Variants in STXBP5L observed in about 807,000 individuals in gnomAD.
STXBP5L encodes syntaxin-binding protein 5-like.
Under a neutral mutation model 144.5 loss-of-function variants are expected in STXBP5L, and 65 were observed. That is an observed-to-expected ratio of 0.45 (90% CI 0.37 to 0.55). The LOEUF (loss-of-function observed/expected upper bound fraction) is 0.55. Among genes scored for constraint, STXBP5L ranks in the 20% least tolerant of loss-of-function variants. The probability of loss-of-function intolerance (pLI) is 0.00; values close to 1 mark genes in which losing one functional copy is unlikely to be tolerated. For synonymous variants in STXBP5L, 505 were observed against 469.6 expected (o/e 1.08, Z -0.97); for missense variants, 1,298 against 1,405.5 (o/e 0.92, Z 1.22).
chr3:121,255,931 C>T (rs2050193464), intron 16 of STXBP5L, among the ~76,000 whole-genome samples: 1 of 152,010 alleles, frequency 6.6e-6, no homozygotes, highest in Non-Finnish European at 1.5e-5. Flanking sequence ...AGTGTTTTTA[C>T]CTCAACAGCT....
At chr3:121,012,941 A>T (rs1255147093) in intron 3 of STXBP5L, among the ~76,000 whole-genome samples, 1 of 151,846 alleles carries the variant, frequency 6.6e-6, no homozygotes, top group African/African-American at 2.4e-5. Context: ...GAGAAGATGC[A>T]GTATTTGATT....
At chr3:120,913,509 G>A (rs1708954312) in intron 2 of STXBP5L, among the ~76,000 whole-genome samples, 1 of 151,966 alleles carries the variant, frequency 6.6e-6, no homozygotes, top group South Asian at 2.1e-4. Context: ...AAAGCAGAGA[G>A]CAATTACTAC....
At chr3:121,057,559 T>C (rs996446687) in intron 5 of STXBP5L, among the ~76,000 whole-genome samples, 3 of 152,032 alleles carry the variant, frequency 2.0e-5, no homozygotes, top group Non-Finnish European at 2.9e-5. Context: ...TTGACACATA[T>C]AAAAATGGAA....
intron 10 of STXBP5L, among the ~76,000 whole-genome samples, chr3:121,209,747 A>C (rs1241419217): frequency 2.0e-5 from 3 of 152,200 alleles, no homozygotes; most frequent in Non-Finnish European, 4.4e-5. Flanking sequence ...CCATGTCCCT[A>C]CAAAGGACGT....
intron 7 of STXBP5L, among the ~76,000 whole-genome samples, chr3:121,131,128 A>G (rs2044970117): frequency 6.6e-6 from 1 of 152,140 alleles, no homozygotes; most frequent in African/African-American, 2.4e-5. Context: ...CAAAATATGC[A>G]AACCAACATC....
At chr3:120,909,167 CCCTTAA>C in intron 1 of STXBP5L, 2 of 156,290 alleles carry the variant, frequency 1.3e-5, no homozygotes, top group Non-Finnish European at 1.4e-5. Flanking sequence ...GGAAAGTCCG[CCCTTAA>C]GAGAGAGACA....
intron 3 of STXBP5L, among the ~76,000 whole-genome samples, chr3:121,034,278 C>T (rs760461994): frequency 7.2e-5 from 11 of 152,036 alleles, no homozygotes; most frequent in South Asian, 2.1e-4. Context: ...TTTCTCATCC[C>T]TCATCCTCCT....
intron 5 of STXBP5L, among the ~76,000 whole-genome samples, chr3:121,090,738 C>A (rs2042739028): frequency 6.6e-6 from 1 of 151,550 alleles, no homozygotes; most frequent in Non-Finnish European, 1.5e-5. Flanking sequence ...TTCATGGGGA[C>A]ACAATTAGTG....
intron 8 of STXBP5L, among the ~76,000 whole-genome samples, chr3:121,157,216 A>G (rs565103962): frequency 1.9e-4 from 29 of 152,220 alleles, no homozygotes; most frequent in African/African-American, 6.5e-4. Context: ...CACTTTTTAT[A>G]GGATTAAATG....
chr3:120,988,767 T>C (rs1267258873), intron 3 of STXBP5L, among the ~76,000 whole-genome samples: 1 of 152,084 alleles, frequency 6.6e-6, no homozygotes, highest in South Asian at 2.1e-4. Context: ...CCATCACAAA[T>C]AGTGTCCATT....
chr3:121,312,697 C>G (rs2108514904), intron 19 of STXBP5L, among the ~76,000 whole-genome samples: 1 of 151,508 alleles, frequency 6.6e-6, no homozygotes, highest in South Asian at 2.1e-4. Context: ...ATCTGTTTAA[C>G]AAAGCACATC....
rs559184084 is a variant in STXBP5L at position 120,980,286 on chromosome 3, C to T, written c.287+25249C>T. Among the ~76,000 whole-genome samples, 40 of 152,186 alleles carry T rather than the reference C, an allele frequency of 2.6e-4. 1 individual carries two copies. The South Asian group carries it at 8.1e-3, about 31-fold the overall frequency. ...AGACTTTCTTTGTTGATTTTTCTGC[C>T]TCAATGATCTGTTTAATGCTGTCAG... On this transcript the variant is annotated intron_variant, in intron 3 of 26. Transcript: ENST00000471454.
intron 3 of STXBP5L, among the ~76,000 whole-genome samples, chr3:120,999,652 G>A (rs1943617054): frequency 6.6e-6 from 1 of 151,992 alleles, no homozygotes; most frequent in South Asian, 2.1e-4. Flanking sequence ...ACTTTATTGT[G>A]TAGTTGCTTT....
chr3:121,053,201 C>T (rs1948164606), intron 5 of STXBP5L, among the ~76,000 whole-genome samples: 3 of 152,192 alleles, frequency 2.0e-5, no homozygotes, highest in Admixed American at 2.0e-4. Flanking sequence ...CCATCCCCAT[C>T]AAACTACCAA....
At chr3:120,979,598 G>A (rs187242596) in intron 3 of STXBP5L, among the ~76,000 whole-genome samples, 26 of 152,214 alleles carry the variant, frequency 1.7e-4, no homozygotes, top group Admixed American at 5.2e-4. Flanking sequence ...AGATGAACCC[G>A]GTACCTCCGA....
intron 3 of STXBP5L, among the ~76,000 whole-genome samples, chr3:121,013,332 T>C (rs536912709): frequency 9.2e-5 from 14 of 152,266 alleles, no homozygotes; most frequent in African/African-American, 3.4e-4. Flanking sequence ...GTGTTCCCTT[T>C]TCTTGGCAAC....
chr3:121,220,901 A>T (rs1247781397), intron 10 of STXBP5L, among the ~76,000 whole-genome samples: 1 of 152,014 alleles, frequency 6.6e-6, no homozygotes, highest in Non-Finnish European at 1.5e-5. Flanking sequence ...TGAGGATTAC[A>T]CAAAATTTAC....
At chr3:121,148,554 G>T (rs769643848) in intron 7 of STXBP5L, among the ~76,000 whole-genome samples, 1 of 151,966 alleles carries the variant, frequency 6.6e-6, no homozygotes, top group African/African-American at 2.4e-5. Flanking sequence ...TTTTCCTCCT[G>T]AAATGATAAA....
intron 18 of STXBP5L, among the ~76,000 whole-genome samples, chr3:121,264,437 A>G (rs758034026): frequency 6.6e-6 from 1 of 152,172 alleles, no homozygotes; most frequent in Non-Finnish European, 1.5e-5. Flanking sequence ...GGAAAAAAGA[A>G]AGGGGAAATA....
Sources: allele counts gnomAD v4.1 joint callset (sites outside exome capture counted in the v4.1 genomes callset), GRCh38; gene constraint gnomAD v4.1.1; transcripts MANE v1.5; gene names NCBI Gene and HGNC (gene_info 2026-07-23, HGNC 2026-07-21).